The following USP25 variants were observed in gnomAD, a reference collection of about 807,000 sequenced individuals.
The protein encoded by USP25 is ubiquitin specific peptidase 25.
Under a neutral mutation model 158.5 loss-of-function variants are expected in USP25, and 85 were observed. That is an observed-to-expected ratio of 0.54 (90% CI 0.45 to 0.64). USP25 has a LOEUF of 0.64. USP25 is among the 30% of genes least tolerant of loss of function. The pLI is 0.00. For missense variants in USP25, 1,242 were observed against 1,327.3 expected, an observed-to-expected ratio of 0.94 and a Z score of 1.00; for synonymous variants, 464 against 460.4, an observed-to-expected ratio of 1.01 and a Z score of -0.10.
chr21:15,819,460 T>C (rs373086711), intron 10 of USP25, among the ~76,000 whole-genome samples: 116 of 152,316 alleles, frequency 7.6e-4, no homozygotes, highest in Middle Eastern at 3.4e-3. Context: ...GTTTTGGCAC[T>C]GTAATAGTAA....
Position 15,826,508 on chromosome 21 carries a change from G to T in USP25, c.1466+143G>T. 4 of 917,954 alleles carry T rather than the reference G, an allele frequency of 4.4e-6. No homozygotes were observed. Among genetic ancestry groups the T allele is most frequent in the Non-Finnish European group, 4.8e-6 (3 of 623,684 alleles). 56.9% of individuals were successfully genotyped at this position (917,954 alleles called of 1,614,324 possible). A position where few individuals can be genotyped will look rare whatever the true frequency, so the allele number is the denominator to read the frequency against. ...TAAGAGTAGATTCACTTAGAAGACT[G>T]TATGTCCTCTGGGAGTTTTTTTATT... On this transcript the variant is annotated intron_variant, in intron 13 of 25. Transcript: ENST00000400183. This position sits in a 1 kb window ranked among gnomAD's most constrained non-coding sequence, Gnocchi z 4.8.
At chr21:15,805,097 G>T (rs751556606) in intron 6 of USP25, 24 bp from the exon 7 acceptor site, 2 of 1,556,512 alleles carry the variant, frequency 1.3e-6, no homozygotes, top group Non-Finnish European at 1.7e-6. Flanking sequence ...AGGTGTTTTT[G>T]TTTTTGTTTT....
Position 15,834,640 on chromosome 21 carries a change from G to A in USP25, c.2194+1092G>A, listed in dbSNP as rs930622651. Among the ~76,000 whole-genome samples, 5 of 152,106 alleles carry A rather than the reference G, an allele frequency of 3.3e-5. No individual in the cohort carries two copies. The South Asian group carries it at 8.3e-4, about 25-fold the overall frequency. ...GCTACAATGTAGTATTGTGACTGTC[G>A]CAGGCATGCACAAATCTGTCCAGAT... On this transcript the variant is annotated intron_variant, in intron 17 of 25. Coordinates refer to ENST00000400183, the MANE Select transcript of USP25 (RefSeq NM_001283041.3).
At chr21:15,761,269 CTGT>C (rs1419727182) in intron 1 of USP25, among the ~76,000 whole-genome samples, 5 of 152,174 alleles carry the variant, frequency 3.3e-5, no homozygotes, top group African/African-American at 1.2e-4. Context: ...AGGGTTTACA[CTGT>C]TGTTACAGTA....
At chr21:15,869,982 C>T (rs1428097360) in intron 22 of USP25, 86 bp from the exon 23 acceptor site, 12 of 942,214 alleles carry the variant, frequency 1.3e-5, no homozygotes, top group South Asian at 2.0e-5. Flanking sequence ...CAGATAGTAG[C>T]GAAACAGTGC....
At chr21:15,838,143 G>GA (rs976631394) in intron 17 of USP25, among the ~76,000 whole-genome samples, 21 of 151,686 alleles carry the variant, frequency 1.4e-4, no homozygotes, top group Non-Finnish European at 2.4e-4. Flanking sequence ...GATCAGTCTT[G>GA]AACTCAAATT....
At chr21:15,856,864 T>C (rs2039175070) in intron 20 of USP25, among the ~76,000 whole-genome samples, 1 of 152,226 alleles carries the variant, frequency 6.6e-6, no homozygotes, top group Non-Finnish European at 1.5e-5. Context: ...CTCAGTATTT[T>C]TCCTTTGTTT....
At chr21:15,764,449 G>C (rs1600842415) in intron 2 of USP25, among the ~76,000 whole-genome samples, 1 of 151,968 alleles carries the variant, frequency 6.6e-6, no homozygotes, top group East Asian at 1.9e-4. Flanking sequence ...CCAGTAGCTA[G>C]GGGAAAAGAG....
At position 15,806,862 on chromosome 21, in the gene USP25, A is replaced by C. The variant is rs148971156; in HGVS notation, c.780+1604A>C. Among the ~76,000 whole-genome samples the C allele has an allele frequency of 1.1e-4, 16 of 152,286 alleles. No individual in the cohort carries two copies. In the East Asian group the frequency reaches 2.9e-3, roughly 27 times the overall value. ...TTTCAAATACATCATCTTTTGAAGT[A>C]CACAGGAGTCTTTTGAGACACCCTT... On this transcript the variant is annotated intron_variant, in intron 7 of 25. Transcript: ENST00000400183.
chr21:15,799,018 G>A (rs76491942), intron 5 of USP25, among the ~76,000 whole-genome samples: 5 of 151,142 alleles, frequency 3.3e-5, no homozygotes, highest in Non-Finnish European at 5.9e-5. Flanking sequence ...ATACACAAGT[G>A]TGTAAAATAT....
At chr21:15,794,122 A>G (rs1036375098) in intron 5 of USP25, among the ~76,000 whole-genome samples, 4 of 151,838 alleles carry the variant, frequency 2.6e-5, no homozygotes, top group African/African-American at 9.6e-5. Flanking sequence ...ACATCTGGGA[A>G]TTCTTTTTCT....
chr21:15,754,009 A>G (rs2033208081), intron 1 of USP25, among the ~76,000 whole-genome samples: 1 of 152,110 alleles, frequency 6.6e-6, no homozygotes, highest in Non-Finnish European at 1.5e-5. Context: ...CACTCAAGTA[A>G]TAAAAGTTGT....
At chr21:15,842,101 A>G (rs369195176) in intron 17 of USP25, among the ~76,000 whole-genome samples, 13 of 152,132 alleles carry the variant, frequency 8.5e-5, no homozygotes, top group African/African-American at 2.9e-4. Context: ...AATGCTGGCA[A>G]TTTTCCAAAA....
chr21:15,787,483 C>T (rs756112855), intron 4 of USP25, among the ~76,000 whole-genome samples: 5 of 151,718 alleles, frequency 3.3e-5, no homozygotes, highest in African/African-American at 1.2e-4. Context: ...AAACTGTTAA[C>T]TGGAGTAAAT....
chr21:15,839,338 T>G (rs2146429544), intron 17 of USP25, among the ~76,000 whole-genome samples: 1 of 152,158 alleles, frequency 6.6e-6, no homozygotes, highest in East Asian at 1.9e-4. Flanking sequence ...TTTAATAGGG[T>G]TAGAGGATGA....
intron 1 of USP25, among the ~76,000 whole-genome samples, chr21:15,734,070 T>C (rs531051214): frequency 2.6e-5 from 4 of 152,282 alleles, no homozygotes; most frequent in Non-Finnish European, 4.4e-5. Flanking sequence ...TTCTTTAGAT[T>C]AGATTGTTTA....
chr21:15,754,154 G>T (rs2033221091), intron 1 of USP25, among the ~76,000 whole-genome samples: 1 of 152,074 alleles, frequency 6.6e-6, no homozygotes, highest in African/African-American at 2.4e-5. Flanking sequence ...CTCAAAATAT[G>T]CCAAAGAAGT....
At chr21:15,824,269 A>G (rs775123961) in intron 11 of USP25, 103 bp downstream of exon 11, 16 of 1,390,644 alleles carry the variant, frequency 1.2e-5, no homozygotes, top group Non-Finnish European at 1.4e-5. Flanking sequence ...ATTAATTTCT[A>G]CTTTTGCATA....
chr21:15,754,501 C>G (rs7364033), intron 1 of USP25, among the ~76,000 whole-genome samples: 1 of 152,152 alleles, frequency 6.6e-6, no homozygotes, highest in African/African-American at 2.4e-5. Context: ...GAGTTCTTGT[C>G]GTCTTTGGAT....
Sources: allele counts gnomAD v4.1 joint callset (sites outside exome capture counted in the v4.1 genomes callset), GRCh38; gene constraint gnomAD v4.1.1; non-coding constraint Gnocchi (gnomAD v3.1); transcripts MANE v1.5; gene names NCBI Gene and HGNC (gene_info 2026-07-23, HGNC 2026-07-21).